Variants in C2CD3 observed in about 807,000 individuals in gnomAD.
C2CD3 encodes C2 domain containing 3 centriole elongation regulator, also known as C2 domain-containing protein 3.
In C2CD3, 148 loss-of-function variants were observed where a neutral mutation model predicts 234.0. The ratio of observed to expected loss-of-function variants is 0.63; its 90% CI spans 0.55 to 0.72. The LOEUF (loss-of-function observed/expected upper bound fraction) is 0.72. C2CD3 is among the 30% of genes least tolerant of loss of function. C2CD3 has a pLI of 0.00. For synonymous variants in C2CD3, 1,000 were observed against 1,035.4 expected (o/e 0.97, Z 0.66); for missense variants, 2,577 against 2,811.5 (o/e 0.92, Z 1.89).
At chr11:74,069,078 A>G (rs826034) in intron 24 of C2CD3, among the ~76,000 whole-genome samples, 6,973 of 152,334 alleles carry the variant, frequency 0.046, 469 homozygotes, top group African/African-American at 0.15. Context: ...GATTACAGGC[A>G]TAAGCCACTG....
At chr11:74,156,654 G>C (rs561651615) in intron 3 of C2CD3, among the ~76,000 whole-genome samples, 4 of 152,116 alleles carry the variant, frequency 2.6e-5, no homozygotes, top group African/African-American at 9.6e-5. Flanking sequence ...TTAAAAGGAA[G>C]AAAGAAAAAG....
chr11:74,031,941 A>C, intron 31 of C2CD3, among the ~76,000 whole-genome samples: 1 of 151,796 alleles, frequency 6.6e-6, no homozygotes, highest in East Asian at 1.9e-4. Flanking sequence ...TCCTGAGCCC[A>C]CTCTCCCACC....
At chr11:74,111,961 CACACACACAT>C (rs776731203) in intron 11 of C2CD3, among the ~76,000 whole-genome samples, 20,496 of 132,414 alleles carry the variant, frequency 0.15, 1,552 homozygotes, top group South Asian at 0.2. Flanking sequence ...CACACACACA[CACACACACAT>C]ATATATATAC....
chr11:74,114,501 G>A lies in C2CD3; in HGVS notation c.1613C>T (p.Thr538Ile). 1 of 1,613,528 alleles carries A rather than the reference G, an allele frequency of 6.2e-7. No homozygotes were observed. Among genetic ancestry groups the A allele is most frequent in the East Asian group, 2.2e-5 (1 of 44,864 alleles). Residue 538 changes from threonine (T) to isoleucine (I), a missense_variant, in exon 10 of 33, where the codon ACA becomes ATA. Transcript: ENST00000334126. The stretch of plus-strand genomic sequence containing the variant: ...TTCGATGATGATTCTGACTGAATGT[G>A]TTCTACCCAAAAGGGCCAGTCTATC... Reference protein sequence around the residue: ...SVDRLALLGRTHSVRIIIETM... With the variant: ...SVDRLALLGRIHSVRIIIETM...
intron 11 of C2CD3, among the ~76,000 whole-genome samples, chr11:74,111,969 C>CACACACAT (rs1555045433): frequency 1.4e-4 from 12 of 84,424 alleles, no homozygotes; most frequent in Non-Finnish European, 2.0e-4. Flanking sequence ...CACACACACA[C>CACACACAT]ATATATATAT....
chr11:74,104,999 T>C (rs1033385325), intron 13 of C2CD3, among the ~76,000 whole-genome samples: 3 of 152,196 alleles, frequency 2.0e-5, no homozygotes, highest in Non-Finnish European at 4.4e-5. Context: ...ATAATAATTG[T>C]GTAAGTCTTT....
intron 20 of C2CD3, among the ~76,000 whole-genome samples, chr11:74,088,742 C>A (rs1292935995): frequency 6.6e-6 from 1 of 152,182 alleles, no homozygotes; most frequent in Non-Finnish European, 1.5e-5. Context: ...GGAGGTACTC[C>A]AAAAACACAA....
Position 74,032,379 on chromosome 11 carries a change from C to A in C2CD3, c.6809+972G>T, listed in dbSNP as rs926127605. 4.6e-5 allele frequency among the ~76,000 whole-genome samples: 7 copies of A among 152,224 alleles called. No individual in the cohort carries two copies. The South Asian group carries it at 1.5e-3, about 32-fold the overall frequency. ...GGGATAGCAGGTGAGCTGATCTGAT[C>A]AGCTGGTTAGGCTACAGGTGTGAAG... On this transcript the variant is annotated intron_variant, in intron 31 of 32. Coordinates refer to ENST00000334126, the MANE Select transcript of C2CD3 (RefSeq NM_001286577.2).
chr11:74,090,978 A>G, intron 19 of C2CD3, 42 bp from the exon 20 acceptor site: 1 of 1,607,288 alleles, frequency 6.2e-7, no homozygotes, highest in South Asian at 1.1e-5. Flanking sequence ...GGTCAGAAGA[A>G]TCTCTGTTCC....
intron 32 of C2CD3, among the ~76,000 whole-genome samples, chr11:74,013,972 T>C (rs930687167): frequency 6.6e-6 from 1 of 152,138 alleles, no homozygotes; most frequent in South Asian, 2.1e-4. Flanking sequence ...TGGCGGTGAA[T>C]AATACACTCT....
intron 3 of C2CD3, among the ~76,000 whole-genome samples, chr11:74,145,117 G>C (rs1357668330): frequency 6.6e-6 from 1 of 152,198 alleles, no homozygotes; most frequent in African/African-American, 2.4e-5. Context: ...TCGTAGTTCT[G>C]TTTTTAGATC....
chr11:74,141,635 C>A (rs1203693305), intron 3 of C2CD3, among the ~76,000 whole-genome samples: 1 of 152,142 alleles, frequency 6.6e-6, no homozygotes. Flanking sequence ...AGTGGCCTAA[C>A]TCCTTTGTTT....
intron 7 of C2CD3, among the ~76,000 whole-genome samples, chr11:74,125,394 C>T (rs1301731491): frequency 1.3e-5 from 2 of 152,130 alleles, no homozygotes; most frequent in South Asian, 2.1e-4. Context: ...TTGAACTAAA[C>T]GATCTGACAT....
chr11:74,108,676 A>G (rs1396705454), intron 12 of C2CD3, among the ~76,000 whole-genome samples: 1 of 152,140 alleles, frequency 6.6e-6, no homozygotes, highest in African/African-American at 2.4e-5. Context: ...AAGACAGCAG[A>G]TTTGGGATGG....
At chr11:74,085,250 C>A (rs1955589297) in intron 21 of C2CD3, among the ~76,000 whole-genome samples, 1 of 151,726 alleles carries the variant, frequency 6.6e-6, no homozygotes, top group African/African-American at 2.4e-5. Flanking sequence ...GATCCTCCCA[C>A]TTCGGCCTCC....
intron 30 of C2CD3, 150 bp from the exon 31 acceptor site, chr11:74,034,428 T>C (rs1952640074): frequency 6.6e-7 from 1 of 1,525,728 alleles, no homozygotes; most frequent in African/African-American, 1.4e-5. Flanking sequence ...TCAGTGAGAC[T>C]ATATTCAAGG....
chr11:74,103,688 G>C lies in C2CD3; in HGVS notation c.2086-63C>G, dbSNP rs530596514. ...CCTTTAGAATTGGAATTAGAATTTT[G>C]AGGCTGGAAACAACATCAGATTATT... On this transcript the variant is annotated intron_variant, in intron 13 of 32. Transcript: ENST00000334126. 9.3e-6 allele frequency: 13 copies of C among 1,393,626 alleles called. No individual in the cohort carries two copies. In the South Asian group the frequency reaches 1.5e-4, roughly 16 times the overall value. The allele number at this position is 1,393,626 out of a possible 1,614,324, so 86.3% of individuals were successfully genotyped here.
chr11:74,130,379 C>A (rs1348850524), intron 7 of C2CD3, among the ~76,000 whole-genome samples: 1 of 151,972 alleles, frequency 6.6e-6, no homozygotes, highest in African/African-American at 2.4e-5. Context: ...TCATATGCCA[C>A]CATACCTAGC....
At chr11:74,057,901 G>A (rs1349032385) in intron 24 of C2CD3, among the ~76,000 whole-genome samples, 1 of 152,188 alleles carries the variant, frequency 6.6e-6, no homozygotes, top group African/African-American at 2.4e-5. Flanking sequence ...AGAGGCTGCA[G>A]TGAGCTGAGA....
Sources: gnomAD v4.1 joint callset for allele counts (sites outside exome capture counted in the v4.1 genomes callset) on GRCh38, gnomAD v4.1.1 for gene constraint, MANE v1.5 for transcripts, NCBI Gene and HGNC (gene_info 2026-07-23, HGNC 2026-07-21) for gene names.